Variants in RALYL observed in about 807,000 individuals in gnomAD.
RALYL encodes the protein RNA-binding Raly-like protein.
In RALYL, 29 loss-of-function variants were observed where a neutral mutation model predicts 35.1. The ratio of observed to expected loss-of-function variants is 0.83; its 90% confidence interval spans 0.61 to 1.13. The LOEUF (loss-of-function observed/expected upper bound fraction) is 1.13. Among genes scored for constraint, RALYL ranks in the 50% most tolerant of loss-of-function variants. The pLI is 0.00. For missense variants in RALYL, 359 were observed against 360.4 expected (o/e 1.00, Z 0.03); for synonymous variants, 120 against 127.6 (o/e 0.94, Z 0.40).
chr8:84,186,068 G>T (rs988215849), intron 1 of RALYL, among the ~76,000 whole-genome samples: 1 of 152,108 alleles, frequency 6.6e-6, no homozygotes, highest in Non-Finnish European at 1.5e-5. Flanking sequence ...ATTTCCTGGC[G>T]GGGAAATACA....
At chr8:84,758,858 G>A (rs1812039033) in intron 2 of RALYL, among the ~76,000 whole-genome samples, 1 of 152,140 alleles carries the variant, frequency 6.6e-6, no homozygotes, top group East Asian at 1.9e-4. Context: ...TTCTATTGCT[G>A]TTGCAACAAA....
chr8:84,788,548 TAAGC>T (rs1820081981), intron 3 of RALYL, among the ~76,000 whole-genome samples: 2 of 152,214 alleles, frequency 1.3e-5, no homozygotes. Flanking sequence ...GGGCTGGTGT[TAAGC>T]AAAGCCAGTG....
At chr8:84,793,895 AG>A (rs1274245033) in intron 3 of RALYL, among the ~76,000 whole-genome samples, 1 of 152,234 alleles carries the variant, frequency 6.6e-6, no homozygotes, top group African/African-American at 2.4e-5. Flanking sequence ...GACTGGGAAG[AG>A]GGAAGAAACA....
Position 84,850,015 on chromosome 8 carries a change from A to G in RALYL, c.401A>G (p.Asp134Gly). The change falls in exon 5 of 9, where the codon GAT (aspartate) becomes GGT (glycine). Residue 134 changes from aspartate to glycine, a missense_variant. Transcript: ENST00000521268. ...TTTGACTATGATTACTACAGAGATG[A>G]TTTCTACAATCGGTATGTGAATTTT... is the stretch of plus-strand genomic sequence containing the variant. ...YVFDYDYYRD[D>G]FYNRLFDYHG... 6.8e-7 allele frequency: 1 copy of G among 1,480,982 alleles called. No homozygotes were observed. Among genetic ancestry groups the G allele is most frequent in the East Asian group, 2.6e-5 (1 of 38,988 alleles). The allele number at this position is 1,480,982 out of a possible 1,614,324, so 91.7% of individuals were successfully genotyped here. A position where few individuals can be genotyped will look rare whatever the true frequency, so the allele number is the denominator to read the frequency against.
At chr8:84,370,675 A>T (rs1855503379) in intron 1 of RALYL, among the ~76,000 whole-genome samples, 1 of 152,064 alleles carries the variant, frequency 6.6e-6, no homozygotes, top group African/African-American at 2.4e-5. Flanking sequence ...AGCTAGGTGG[A>T]AGTGTTTAGA....
rs374824104 is a variant in RALYL at position 84,646,125 on chromosome 8, C to A, written c.256+116548C>A. On this transcript the variant is annotated intron_variant, in intron 2 of 8. Transcript: ENST00000521268. ...TCCAGATATGCAAATCTCGGACATC[C>A]TTTACTTAGCTTCCATTTCAAGCAT... Among the ~76,000 whole-genome samples, 12 of 151,924 alleles carry A rather than the reference C, an allele frequency of 7.9e-5. No individual in the cohort carries two copies. The South Asian group carries it at 1.7e-3, about 21-fold the overall frequency.
At chr8:84,712,569 C>T (rs1048975179) in intron 2 of RALYL, among the ~76,000 whole-genome samples, 1 of 152,246 alleles carries the variant, frequency 6.6e-6, no homozygotes, top group Middle Eastern at 3.4e-3. Flanking sequence ...TTGTCCATTT[C>T]TCTCCTGTAC....
chr8:84,213,820 T>C (rs76031957), intron 1 of RALYL, among the ~76,000 whole-genome samples: 123 of 152,344 alleles, frequency 8.1e-4, no homozygotes, highest in African/African-American at 2.8e-3. Flanking sequence ...CATACATACA[T>C]ATTGGAAGTT....
chr8:84,552,689 TTTGAC>T (rs1032260850), intron 2 of RALYL, among the ~76,000 whole-genome samples: 1 of 152,046 alleles, frequency 6.6e-6, no homozygotes, highest in Non-Finnish European at 1.5e-5. Flanking sequence ...GGCTCTTTGT[TTTGAC>T]TTTGGTTTCC....
chr8:84,636,519 G>T (rs954650318), intron 2 of RALYL, among the ~76,000 whole-genome samples: 1 of 151,796 alleles, frequency 6.6e-6, no homozygotes, highest in Non-Finnish European at 1.5e-5. Context: ...GATACTGTCA[G>T]CTGAGTGATC....
chr8:84,692,198 C>A (rs1444914351), intron 2 of RALYL, among the ~76,000 whole-genome samples: 3 of 151,736 alleles, frequency 2.0e-5, no homozygotes, highest in Non-Finnish European at 4.4e-5. Context: ...ACATTCTCAC[C>A]ACTTATATTT....
chr8:84,853,503 C>T (rs1444350648), intron 5 of RALYL, among the ~76,000 whole-genome samples: 1 of 152,180 alleles, frequency 6.6e-6, no homozygotes, highest in South Asian at 2.1e-4. Context: ...CTCTACTATA[C>T]AAGAACTTAG....
chr8:84,913,421 T>C (rs1055396138), intron 8 of RALYL, among the ~76,000 whole-genome samples: 1 of 152,088 alleles, frequency 6.6e-6, no homozygotes, highest in African/African-American at 2.4e-5. Flanking sequence ...ATTATTTCAA[T>C]AATTTATTGA....
chr8:84,343,254 GCTT>G (rs1849195258), intron 1 of RALYL, among the ~76,000 whole-genome samples: 1 of 152,024 alleles, frequency 6.6e-6, no homozygotes, highest in Non-Finnish European at 1.5e-5. Context: ...AGTTATGTCA[GCTT>G]CTTACAATTC....
chr8:84,651,623 T>C (rs1471842176), intron 2 of RALYL, among the ~76,000 whole-genome samples: 2 of 152,066 alleles, frequency 1.3e-5, no homozygotes, highest in African/African-American at 4.8e-5. Flanking sequence ...CATAAATATG[T>C]CATTTGATAT....
intron 2 of RALYL, among the ~76,000 whole-genome samples, chr8:84,690,293 C>G (rs1261612563): frequency 6.6e-6 from 1 of 152,080 alleles, no homozygotes; most frequent in African/African-American, 2.4e-5. Flanking sequence ...AAGACAAATA[C>G]TACATGATCT....
intron 2 of RALYL, among the ~76,000 whole-genome samples, chr8:84,622,039 T>TTTC (rs1821641822): frequency 6.6e-6 from 1 of 152,202 alleles, no homozygotes; most frequent in African/African-American, 2.4e-5. Context: ...AACTTAAATG[T>TTTC]TTCAGTTAAA....
At chr8:84,600,503 C>T (rs1163885629) in intron 2 of RALYL, among the ~76,000 whole-genome samples, 1 of 152,056 alleles carries the variant, frequency 6.6e-6, no homozygotes, top group Non-Finnish European at 1.5e-5. Context: ...GAAAGGTCTG[C>T]ACTTTAAAAA....
chr8:84,558,674 A>G (rs2061290078), intron 2 of RALYL, among the ~76,000 whole-genome samples: 1 of 152,134 alleles, frequency 6.6e-6, no homozygotes, highest in Non-Finnish European at 1.5e-5. Flanking sequence ...ACCTATATAT[A>G]CTAAAATTTG....
Sources: allele counts gnomAD v4.1 joint callset (sites outside exome capture counted in the v4.1 genomes callset), GRCh38; gene constraint gnomAD v4.1.1; transcripts MANE v1.5; gene names NCBI Gene and HGNC (gene_info 2026-07-23, HGNC 2026-07-21).